The following FBXL20 variants were observed in gnomAD, a reference collection of about 807,000 sequenced individuals.
FBXL20 encodes F-box/LRR-repeat protein 20.
In FBXL20, 11 loss-of-function variants were observed where a neutral mutation model predicts 64.0. That is an observed-to-expected ratio of 0.17 (90% CI 0.11 to 0.28). The LOEUF (loss-of-function observed/expected upper bound fraction) is 0.28. Ranked by LOEUF, FBXL20 falls within the 10% of genes least tolerant of loss-of-function variation. The pLI is 1.00. For synonymous variants in FBXL20, 184 were observed against 189.0 expected, an observed-to-expected ratio of 0.97 and a Z score of 0.22; for missense variants, 303 against 526.2, an observed-to-expected ratio of 0.58 and a Z score of 4.15.
At chr17:39,335,579 T>G (rs544173344) in intron 2 of FBXL20, among the ~76,000 whole-genome samples, 1 of 82,574 alleles carries the variant, frequency 1.2e-5, no homozygotes, top group African/African-American at 6.4e-5. Context: ...TGAGACTCCG[T>G]CTCAAAAAAA....
intron 2 of FBXL20, among the ~76,000 whole-genome samples, chr17:39,308,390 G>C (rs150168354): frequency 6.6e-6 from 1 of 151,998 alleles, no homozygotes; most frequent in African/African-American, 2.4e-5. Flanking sequence ...AGCTATCCAG[G>C]GGGCTAAGGA....
chr17:39,374,799 T>C (rs1260050194), intron 1 of FBXL20, among the ~76,000 whole-genome samples: 12 of 152,068 alleles, frequency 7.9e-5, no homozygotes, highest in Non-Finnish European at 1.3e-4. Flanking sequence ...CTTTTCTTTT[T>C]TTTCCCTGAG....
intron 8 of FBXL20, 107 bp downstream of exon 8, chr17:39,282,622 A>T: frequency 6.9e-7 from 1 of 1,440,998 alleles, no homozygotes. Context: ...TCAATAATAC[A>T]CACAACTAAC....
At chr17:39,346,934 C>G (rs539746610) in intron 1 of FBXL20, among the ~76,000 whole-genome samples, 36 of 150,272 alleles carry the variant, frequency 2.4e-4, no homozygotes, top group African/African-American at 8.7e-4. Context: ...TGAGTGAGAA[C>G]ATGTGGTGTT....
chr17:39,275,218 C>T (rs2046879089), intron 9 of FBXL20, 118 bp from the exon 10 acceptor site: 1 of 1,048,376 alleles, frequency 9.5e-7, no homozygotes, highest in African/African-American at 1.6e-5. Flanking sequence ...ATGCTTAACA[C>T]ATTCATCAGA....
intron 1 of FBXL20, among the ~76,000 whole-genome samples, chr17:39,364,634 G>A (rs1430757852): frequency 1.3e-5 from 2 of 152,120 alleles, no homozygotes; most frequent in Non-Finnish European, 2.9e-5. Flanking sequence ...AAAAAAGAAT[G>A]TGGCAGGAAT....
chr17:39,332,816 C>A (rs549543179), intron 2 of FBXL20, among the ~76,000 whole-genome samples: 1 of 152,160 alleles, frequency 6.6e-6, no homozygotes, highest in South Asian at 2.1e-4. Context: ...GGTGGGATTC[C>A]AGGCATGAGC....
intron 4 of FBXL20, among the ~76,000 whole-genome samples, chr17:39,300,494 GC>G (rs2047124168): frequency 6.6e-6 from 1 of 152,100 alleles, no homozygotes; most frequent in South Asian, 2.1e-4. Context: ...AAAACATGGG[GC>G]AAAAAGTGAG....
intron 9 of FBXL20, among the ~76,000 whole-genome samples, chr17:39,277,491 T>C (rs56058902): frequency 0.1 from 15,625 of 152,092 alleles, 862 homozygotes; most frequent in African/African-American, 0.15. Context: ...GCACGGTGGC[T>C]CGCGTCTGTA....
At chr17:39,397,491 G>A (rs2048195431) in intron 1 of FBXL20, among the ~76,000 whole-genome samples, 2 of 152,102 alleles carry the variant, frequency 1.3e-5, no homozygotes, top group Admixed American at 6.6e-5. Flanking sequence ...AACCCATTAA[G>A]ACAGAATTTT....
intron 1 of FBXL20, among the ~76,000 whole-genome samples, chr17:39,365,099 T>C (rs1283637081): frequency 6.6e-6 from 1 of 152,166 alleles, no homozygotes; most frequent in East Asian, 1.9e-4. Context: ...AGGTCAAATC[T>C]TTTGGTGGTA....
chr17:39,358,510 C>G (rs191418560), intron 1 of FBXL20, among the ~76,000 whole-genome samples: 20 of 152,112 alleles, frequency 1.3e-4, no homozygotes, highest in Admixed American at 7.2e-4. Flanking sequence ...TGGCGAAACC[C>G]TGTCTCTTCT....
Position 39,345,643 on chromosome 17 carries a change from C to T in FBXL20, c.43-2402G>A, listed in dbSNP as rs147086495. 9.2e-3 allele frequency among the ~76,000 whole-genome samples: 1,397 copies of T among 152,174 alleles called. 18 individuals are homozygous for T. The highest frequency in any genetic ancestry group is 0.032 in the African/African-American group (1,318 of 41,510). ...GCAACCTCCACCTCCCGGGTTCAAGCGATTCTCCTGCCTCAGCCTCCTGAG... is the reference window on the plus strand; with the variant it reads ...GCAACCTCCACCTCCCGGGTTCAAGTGATTCTCCTGCCTCAGCCTCCTGAG... On this transcript the variant is annotated intron_variant, in intron 1 of 14. Transcript: ENST00000264658.
upstream of FBXL20, chr17:39,401,748 CGCG>C (rs1220613681): frequency 1.3e-4 from 134 of 1,066,942 alleles, no homozygotes; most frequent in Middle Eastern, 4.1e-4. Flanking sequence ...AGGGGAGGAG[CGCG>C]GCGGCGGCGG....
At position 39,401,571 on chromosome 17, in the gene FBXL20, A is replaced by C. The variant is rs1471678462; in HGVS notation, c.-169T>G. 13 of 1,389,172 alleles carry C rather than the reference A, an allele frequency of 9.4e-6. No homozygotes were observed. Among genetic ancestry groups the C allele is most frequent in the Admixed American group, 3.3e-5 (1 of 30,634 alleles). 86.1% of individuals were successfully genotyped at this position (1,389,172 alleles called of 1,614,324 possible). ...TCTCGGCTCCGGCTAGGCCTCCACC[A>C]CCTCCCGCGGCGCCGGCGGCCGCAA... On this transcript the variant is annotated 5_prime_UTR_variant, in exon 1 of 15. Transcript: ENST00000264658.
At chr17:39,299,731 A>C (rs1417713362) in intron 4 of FBXL20, among the ~76,000 whole-genome samples, 1 of 152,082 alleles carries the variant, frequency 6.6e-6, no homozygotes, top group Non-Finnish European at 1.5e-5. Context: ...TAGTGAGCCC[A>C]GGTCTTGCTC....
intron 2 of FBXL20, among the ~76,000 whole-genome samples, chr17:39,309,440 T>C (rs1220384811): frequency 6.6e-6 from 1 of 152,232 alleles, no homozygotes; most frequent in Non-Finnish European, 1.5e-5. Flanking sequence ...CTTATACTTC[T>C]ATACATGCTG....
intron 1 of FBXL20, among the ~76,000 whole-genome samples, chr17:39,387,407 G>C (rs2048092234): frequency 6.6e-6 from 1 of 151,392 alleles, no homozygotes; most frequent in African/African-American, 2.4e-5. Context: ...AGCCTCCCGA[G>C]TAACTGGGAT....
intron 2 of FBXL20, among the ~76,000 whole-genome samples, chr17:39,333,968 GTA>G (rs2144547508): frequency 6.6e-6 from 1 of 152,322 alleles, no homozygotes; most frequent in East Asian, 1.9e-4. Context: ...CGTCTGGGAG[GTA>G]TACCCAACAG....
Sources: gnomAD v4.1 joint callset for allele counts (sites outside exome capture counted in the v4.1 genomes callset) on GRCh38, gnomAD v4.1.1 for gene constraint, MANE v1.5 for transcripts, NCBI Gene and HGNC (gene_info 2026-07-23, HGNC 2026-07-21) for gene names.